Variants in TGM6 observed in about 807,000 individuals in gnomAD.
TGM6 encodes transglutaminase 6, also known as protein-glutamine gamma-glutamyltransferase 6.
Under a neutral mutation model 77.5 loss-of-function variants are expected in TGM6, and 74 were observed. The observed-to-expected ratio is 0.96, with a 90% CI of 0.79 to 1.16. TGM6 has a LOEUF of 1.16. TGM6 is among the 50% of genes most tolerant of loss of function. The pLI, the probability that TGM6 is intolerant of heterozygous loss-of-function variation, is 0.00. For missense variants in TGM6, 968 were observed against 940.2 expected (o/e 1.03, Z -0.39); for synonymous variants, 383 against 378.9 (o/e 1.01, Z -0.12).
intron 1 of TGM6, among the ~76,000 whole-genome samples, chr20:2,389,247 G>C (rs754666655): frequency 1.8e-4 from 27 of 152,222 alleles, no homozygotes; most frequent in Middle Eastern, 3.4e-3. Flanking sequence ...AGGAACCAAG[G>C]TGCCTCAACC....
chr20:2,417,276 C>T lies in TGM6; in HGVS notation c.1381C>T (p.Leu461=). 6.2e-7 allele frequency: 1 copy of T among 1,610,412 alleles called. No homozygotes were observed. The highest frequency in any genetic ancestry group is 8.5e-7 in the Non-Finnish European group (1 of 1,178,514). The change falls in exon 10 of 13, where the codon CTG becomes TTG. Residue 461 remains leucine, a synonymous_variant. Transcript: ENST00000202625. ...GGTGTACAGCAAGGCGGTGAACAGG[C>T]TGTTCGGCGTGGAAGCCTCTGGAAG... ...RQVYSKAVNR[L]FGVEASGRRI...
At chr20:2,398,388 A>G (rs55736189) in intron 5 of TGM6, among the ~76,000 whole-genome samples, 16,571 of 152,008 alleles carry the variant, frequency 0.11, 1,032 homozygotes, top group South Asian at 0.24. Flanking sequence ...CATCCATGTC[A>G]TGTCTCCTGG....
chr20:2,426,240 G>C (rs1025535416), intron 10 of TGM6, among the ~76,000 whole-genome samples: 14 of 151,876 alleles, frequency 9.2e-5, no homozygotes, highest in Middle Eastern at 3.4e-3. Flanking sequence ...TAATGCCTAA[G>C]TGTTCCATTT....
At chr20:2,421,226 C>T (rs1378218962) in intron 10 of TGM6, among the ~76,000 whole-genome samples, 1 of 152,312 alleles carries the variant, frequency 6.6e-6, no homozygotes, top group South Asian at 2.1e-4. Context: ...ACCTCGTGAT[C>T]CACCTGCCTC....
At chr20:2,407,601 G>A (rs1052731182) in intron 9 of TGM6, among the ~76,000 whole-genome samples, 17 of 152,204 alleles carry the variant, frequency 1.1e-4, no homozygotes, top group Non-Finnish European at 1.2e-4. Flanking sequence ...GCTACAGAGC[G>A]AGACTCTGTC....
chr20:2,420,026 C>T lies in TGM6; in HGVS notation c.1678+2453C>T, dbSNP rs182554212. Reference sequence around the variant, plus strand: ...TTGGGAGGCCGAGGCAGGTGGATCACGAGGTCAGGAGATGGAGACCATCCT... The same window carrying T: ...TTGGGAGGCCGAGGCAGGTGGATCATGAGGTCAGGAGATGGAGACCATCCT... On this transcript the variant is annotated intron_variant, in intron 10 of 12. Transcript: ENST00000202625. Among the ~76,000 whole-genome samples, 523 of 152,182 alleles carry T rather than the reference C, an allele frequency of 3.4e-3. 2 individuals carry two copies. Among genetic ancestry groups the T allele is most frequent in the African/African-American group, 0.011 (450 of 41,536 alleles).
At chr20:2,397,877 G>C (rs761811080) in intron 4 of TGM6, 41 bp from the exon 5 acceptor site, 2 of 1,614,042 alleles carry the variant, frequency 1.2e-6, no homozygotes, top group Non-Finnish European at 1.7e-6. Context: ...GAATATGGGT[G>C]ACTGAACGCA....
Position 2,417,320 on chromosome 20 carries a change from GGCTGGGGGTC to G in TGM6, c.1430_1439del (p.Gly477ValfsTer23), listed in dbSNP as rs760886419. 1 of 1,612,518 alleles carries G rather than the reference GGCTGGGGGTC, an allele frequency of 6.2e-7. No individual in the cohort carries two copies. The highest frequency in any genetic ancestry group is 8.5e-7 in the Non-Finnish European group (1 of 1,178,762). Reference sequence around the variant, plus strand: ...CTGGAAGGAGAATCTGGATCCGCAGGGCTGGGGGTCGCTGTCTCTGGCGTGACGACCTCCT... The same window carrying G: ...CTGGAAGGAGAATCTGGATCCGCAGGGCTGTCTCTGGCGTGACGACCTCCT... On this transcript the variant is annotated frameshift_variant, in exon 10 of 13. Coordinates refer to ENST00000202625, the MANE Select transcript of TGM6 (RefSeq NM_198994.3). LOFTEE classifies it high-confidence loss of function.
At chr20:2,388,395 G>T (rs1024509803) in intron 1 of TGM6, among the ~76,000 whole-genome samples, 2 of 152,174 alleles carry the variant, frequency 1.3e-5, no homozygotes, top group Non-Finnish European at 2.9e-5. Flanking sequence ...CTCCTATGGG[G>T]TCAAAGATAA....
At position 2,430,623 on chromosome 20, in the gene TGM6, A is replaced by G. The variant is rs202060863; in HGVS notation, c.1833+23A>G. ...AAGGTGACCTCAGCCTGCATCTACC[A>G]TGCTGTTCCTAGTGGCACCCACTCC... On this transcript the variant is annotated intron_variant, in intron 11 of 12. Transcript: ENST00000202625. 7.4e-6 allele frequency: 12 copies of G among 1,613,656 alleles called. No homozygotes were observed. The African/African-American group carries it at 1.2e-4, about 16-fold the overall frequency.
At chr20:2,399,846 C>T in intron 6 of TGM6, 108 bp downstream of exon 6, 1 of 1,001,208 alleles carries the variant, frequency 1.0e-6, no homozygotes, top group East Asian at 2.6e-5. Context: ...TTGATGGATT[C>T]ATTGACAGGG....
At chr20:2,430,802 CTAA>C in intron 11 of TGM6, 89 bp from the exon 12 acceptor site, 1 of 1,610,214 alleles carries the variant, frequency 6.2e-7, no homozygotes, top group Non-Finnish European at 8.5e-7. Flanking sequence ...GTGGACATGA[CTAA>C]TGATCCATCC....
chr20:2,431,173 C>A, intron 12 of TGM6, 146 bp downstream of exon 12: 2 of 949,194 alleles, frequency 2.1e-6, no homozygotes, highest in Non-Finnish European at 3.0e-6. Context: ...AGCCTTCATT[C>A]ACTTATTTAT....
chr20:2,411,661 G>C (rs1445778332), intron 9 of TGM6, among the ~76,000 whole-genome samples: 2 of 152,092 alleles, frequency 1.3e-5, no homozygotes, highest in Non-Finnish European at 2.9e-5. Context: ...AATTAAGCAA[G>C]AAAAAGAAAT....
chr20:2,404,783 G>C (rs1599954281), intron 9 of TGM6, among the ~76,000 whole-genome samples: 1 of 152,036 alleles, frequency 6.6e-6, no homozygotes, highest in East Asian at 1.9e-4. Context: ...TGGGATTACA[G>C]GTGCCCGCCA....
chr20:2,421,024 G>A (rs1178929972), intron 10 of TGM6, among the ~76,000 whole-genome samples: 3 of 151,582 alleles, frequency 2.0e-5, no homozygotes, highest in South Asian at 2.1e-4. Flanking sequence ...GTCTCGCTCC[G>A]TCACCAGGCT....
chr20:2,406,570 T>G (rs1281515165), intron 9 of TGM6, among the ~76,000 whole-genome samples: 1 of 150,570 alleles, frequency 6.6e-6, no homozygotes, highest in Admixed American at 6.6e-5. Context: ...GTGCAGTGGC[T>G]CACACCTATA....
At chr20:2,396,385 A>T in intron 3 of TGM6, 121 bp from the exon 4 acceptor site, 2 of 952,554 alleles carry the variant, frequency 2.1e-6, no homozygotes, top group Non-Finnish European at 3.4e-6. Flanking sequence ...CCCCCTCTTG[A>T]CCTCTCCTGC....
intron 1 of TGM6, among the ~76,000 whole-genome samples, chr20:2,382,015 G>A (rs1479012229): frequency 2.0e-5 from 3 of 152,184 alleles, no homozygotes; most frequent in Non-Finnish European, 4.4e-5. Flanking sequence ...CTGGGGCCCG[G>A]TAATGAGCAA....
Sources: gnomAD v4.1 joint callset for allele counts (sites outside exome capture counted in the v4.1 genomes callset) on GRCh38, gnomAD v4.1.1 for gene constraint, MANE v1.5 for transcripts, NCBI Gene and HGNC (gene_info 2026-07-23, HGNC 2026-07-21) for gene names.